Variants in SCFD2 observed in about 807,000 individuals in gnomAD.
The protein encoded by SCFD2 is sec1 family domain-containing protein 2.
In SCFD2, 54 loss-of-function variants were observed where a neutral mutation model predicts 58.9. That is an observed-to-expected ratio of 0.92 (90% CI 0.74 to 1.15). The LOEUF (loss-of-function observed/expected upper bound fraction) is 1.15. Ranked by LOEUF, SCFD2 falls within the 50% of genes most tolerant of loss-of-function variation. The probability of loss-of-function intolerance (pLI) is 0.00; values close to 1 mark genes in which losing one functional copy is unlikely to be tolerated. For synonymous variants in SCFD2, 321 were observed against 335.9 expected (o/e 0.96, Z 0.49); for missense variants, 805 against 836.6 (o/e 0.96, Z 0.47).
chr4:53,315,438 G>A (rs1188084090), intron 2 of SCFD2, among the ~76,000 whole-genome samples: 2 of 152,068 alleles, frequency 1.3e-5, no homozygotes, highest in Admixed American at 6.6e-5. Flanking sequence ...CACTCTGGGG[G>A]TTCTGCATTC....
intron 5 of SCFD2, chr4:52,949,173 C>T (rs986754386): frequency 6.6e-6 from 1 of 152,220 alleles, no homozygotes; most frequent in African/African-American, 2.4e-5. Flanking sequence ...CATGCACACA[C>T]ACATATTTTA....
At chr4:52,971,847 G>T (rs2109552973) in intron 5 of SCFD2, among the ~76,000 whole-genome samples, 1 of 152,352 alleles carries the variant, frequency 6.6e-6, no homozygotes, top group Admixed American at 6.5e-5. Context: ...CCAGAAGAGA[G>T]TGGGGGCCAA....
chr4:53,172,990 C>G (rs2148938311), intron 4 of SCFD2, among the ~76,000 whole-genome samples: 1 of 152,208 alleles, frequency 6.6e-6, no homozygotes, highest in South Asian at 2.1e-4. Context: ...CCCTTCATAT[C>G]CTTTAATATT....
chr4:53,300,497 C>A (rs549160123), intron 3 of SCFD2, among the ~76,000 whole-genome samples: 174 of 152,142 alleles, frequency 1.1e-3, no homozygotes, highest in Middle Eastern at 3.4e-3. Context: ...CACAATAATA[C>A]TGGGAGACTT....
chr4:53,269,077 T>G (rs966787897), intron 4 of SCFD2, among the ~76,000 whole-genome samples: 4 of 152,074 alleles, frequency 2.6e-5, no homozygotes, highest in African/African-American at 9.7e-5. Flanking sequence ...CCCAACATTT[T>G]GGTAGGCCAA....
intron 5 of SCFD2, among the ~76,000 whole-genome samples, chr4:53,066,884 A>C (rs1577700267): frequency 6.6e-6 from 1 of 152,030 alleles, no homozygotes; most frequent in African/African-American, 2.4e-5. Flanking sequence ...TATACGTAGC[A>C]GTTATTCAAT....
intron 4 of SCFD2, among the ~76,000 whole-genome samples, chr4:53,187,828 A>G (rs920152314): frequency 6.6e-6 from 1 of 152,166 alleles, no homozygotes; most frequent in African/African-American, 2.4e-5. Flanking sequence ...TTGGAAAACC[A>G]TAACATTTTC....
intron 1 of SCFD2, among the ~76,000 whole-genome samples, chr4:53,358,507 G>C (rs565332995): frequency 1.3e-5 from 2 of 151,362 alleles, no homozygotes; most frequent in East Asian, 3.9e-4. Flanking sequence ...GAGCCGAGAT[G>C]GTGCCATTGC....
At chr4:52,993,026 A>G (rs1158632772) in intron 5 of SCFD2, among the ~76,000 whole-genome samples, 1 of 151,874 alleles carries the variant, frequency 6.6e-6, no homozygotes, top group Non-Finnish European at 1.5e-5. Context: ...TAGACGTAGG[A>G]GACTCCATTT....
intron 4 of SCFD2, among the ~76,000 whole-genome samples, chr4:53,198,768 C>T (rs1482074677): frequency 6.6e-6 from 1 of 152,004 alleles, no homozygotes; most frequent in Non-Finnish European, 1.5e-5. Flanking sequence ...TGCTCCTATG[C>T]TTTATCACCC....
intron 3 of SCFD2, among the ~76,000 whole-genome samples, chr4:53,300,736 T>C (rs913092180): frequency 5.9e-5 from 9 of 152,026 alleles, no homozygotes; most frequent in Non-Finnish European, 1.3e-4. Flanking sequence ...GAACAGAAAT[T>C]ATAACAAACT....
rs1728654988 is a variant in SCFD2, at chr4:53,212,602, G to GTGTGTT, written c.1311+61223_1311+61224insAACACA. ...TGTGTGTGTGTGTGTGTGTGTGTGTGTGTGTGCATGTGGTGTCTGTGTGTG... is the reference window on the plus strand; with the variant it reads ...TGTGTGTGTGTGTGTGTGTGTGTGTGTGTGTTTGTGTGCATGTGGTGTCTGTGTGTG... On this transcript the variant is annotated intron_variant, in intron 4 of 8. Transcript: ENST00000401642. Among the ~76,000 whole-genome samples, 4 of 150,390 alleles carry GTGTGTT rather than the reference G, an allele frequency of 2.7e-5. 1 individual carries two copies. The South Asian group carries it at 8.4e-4, about 32-fold the overall frequency.
At chr4:53,345,770 A>G (rs1392597864) in intron 2 of SCFD2, among the ~76,000 whole-genome samples, 1 of 152,208 alleles carries the variant, frequency 6.6e-6, no homozygotes, top group African/African-American at 2.4e-5. Context: ...TGCATCCATA[A>G]AAAAGGGTGA....
chr4:53,029,276 C>T (rs1337455914), intron 5 of SCFD2, among the ~76,000 whole-genome samples: 1 of 152,104 alleles, frequency 6.6e-6, no homozygotes, highest in East Asian at 1.9e-4. Context: ...GCAAAAATTG[C>T]TTTTCCTTAA....
At chr4:52,983,708 C>G (rs545610772) in intron 5 of SCFD2, among the ~76,000 whole-genome samples, 1 of 152,262 alleles carries the variant, frequency 6.6e-6, no homozygotes, top group South Asian at 2.1e-4. Flanking sequence ...CCTAACAATT[C>G]CCATGTCTAA....
At chr4:53,012,515 C>T (rs1722118925) in intron 5 of SCFD2, among the ~76,000 whole-genome samples, 1 of 152,054 alleles carries the variant, frequency 6.6e-6, no homozygotes, top group African/African-American at 2.4e-5. Flanking sequence ...TCCGAGGGGC[C>T]ACTCTCATGG....
At chr4:53,330,749 T>A (rs1273383465) in intron 2 of SCFD2, among the ~76,000 whole-genome samples, 1 of 151,878 alleles carries the variant, frequency 6.6e-6, no homozygotes, top group Non-Finnish European at 1.5e-5. Context: ...ATAACAATAT[T>A]AACCGTAAAT....
At chr4:53,250,220 C>G (rs575890186) in intron 4 of SCFD2, among the ~76,000 whole-genome samples, 9 of 152,242 alleles carry the variant, frequency 5.9e-5, no homozygotes, top group East Asian at 5.8e-4. Context: ...TTACATAATG[C>G]TAAAGGGATC....
At chr4:52,874,189 A>C (rs966551197) in intron 8 of SCFD2, 128 bp from the exon 9 acceptor site, 1 of 682,208 alleles carries the variant, frequency 1.5e-6, no homozygotes, top group African/African-American at 1.8e-5. Context: ...CTAGGAAGGA[A>C]AAGTAGAAGG....
Sources: gnomAD v4.1 joint callset for allele counts (sites outside exome capture counted in the v4.1 genomes callset) on GRCh38, gnomAD v4.1.1 for gene constraint, MANE v1.5 for transcripts, NCBI Gene and HGNC (gene_info 2026-07-23, HGNC 2026-07-21) for gene names.